SLC35F4: variants seen among roughly 807,000 people sequenced by gnomAD.
SLC35F4 encodes chromosome 14 open reading frame 36.
In SLC35F4, 24 loss-of-function variants were observed where a neutral mutation model predicts 44.2. The ratio of observed to expected loss-of-function variants is 0.54; its 90% confidence interval spans 0.39 to 0.76. SLC35F4 has a LOEUF of 0.76. SLC35F4 is among the 30% of genes least tolerant of loss of function. SLC35F4 has a pLI of 0.00. For missense variants in SLC35F4, 562 were observed against 586.1 expected, an observed-to-expected ratio of 0.96 and a Z score of 0.42; for synonymous variants, 238 against 223.6, an observed-to-expected ratio of 1.06 and a Z score of -0.57.
At chr14:57,722,905 G>A (rs2076119372) in intron 1 of SLC35F4, among the ~76,000 whole-genome samples, 1 of 152,122 alleles carries the variant, frequency 6.6e-6, no homozygotes, top group Admixed American at 6.5e-5. Context: ...TTGAATGAAG[G>A]GGAAGGCTGG....
chr14:57,943,604 C>T (rs996654986), intron 1 of SLC35F4, among the ~76,000 whole-genome samples: 5 of 152,156 alleles, frequency 3.3e-5, no homozygotes, highest in South Asian at 2.1e-4. Context: ...CATGATGTAA[C>T]GGGACTCTTC....
chr14:57,770,241 C>T (rs184771964), intron 1 of SLC35F4, among the ~76,000 whole-genome samples: 79 of 152,306 alleles, frequency 5.2e-4, no homozygotes, highest in Admixed American at 1.8e-3. Context: ...GGTCACGGGG[C>T]TCTTCCTGTC....
chr14:57,724,042 A>G (rs551934770), intron 1 of SLC35F4, among the ~76,000 whole-genome samples: 1 of 152,354 alleles, frequency 6.6e-6, no homozygotes, highest in Admixed American at 6.5e-5. Flanking sequence ...ACCAAAAAAG[A>G]GGCACAATGC....
chr14:57,733,673 AT>A (rs2076400701), intron 1 of SLC35F4, among the ~76,000 whole-genome samples: 1 of 152,090 alleles, frequency 6.6e-6, no homozygotes. Flanking sequence ...CAAAAGCTGA[AT>A]TTCAAACATT....
intron 1 of SLC35F4, among the ~76,000 whole-genome samples, chr14:57,769,044 GT>G (rs2077299612): frequency 1.3e-5 from 2 of 152,154 alleles, no homozygotes; most frequent in African/African-American, 4.8e-5. Flanking sequence ...AAAGAGTACT[GT>G]TTGTAAGGAA....
At chr14:57,884,346 T>C (rs1595267334) in intron 1 of SLC35F4, among the ~76,000 whole-genome samples, 1 of 152,204 alleles carries the variant, frequency 6.6e-6, no homozygotes, top group Admixed American at 6.6e-5. Flanking sequence ...TATTTAGTTA[T>C]ACAATAAAAA....
Position 57,865,987 on chromosome 14 carries a change from A to ACAGCGG in SLC35F4, c.-168_-163dup, listed in dbSNP as rs1555398703. Reference sequence around the variant, plus strand: ...CCCGGCGCAGCACCGGCTCCGCATCACAGCGGCGGCGGCGGCGGCGGCGGC... The same window carrying ACAGCGG: ...CCCGGCGCAGCACCGGCTCCGCATCACAGCGGCAGCGGCGGCGGCGGCGGCGGCGGC... On this transcript the variant is annotated 5_prime_UTR_variant, in exon 1 of 8. Transcript: ENST00000556826. 2.3e-4 allele frequency: 89 copies of ACAGCGG among 391,802 alleles called. No individual in the cohort carries two copies. Among genetic ancestry groups the ACAGCGG allele is most frequent in the Admixed American group, 3.0e-4 (6 of 20,338 alleles). 24.3% of individuals were successfully genotyped at this position (391,802 alleles called of 1,614,324 possible).
rs371686615 is a variant in SLC35F4 at position 57,631,477 on chromosome 14, T to C, written c.104-37353A>G. Among the ~76,000 whole-genome samples the C allele has an allele frequency of 3.5e-4, 53 of 152,188 alleles. No homozygotes were observed. The South Asian group carries it at 9.5e-3, about 27-fold the overall frequency. ...TTACAGCTGTTGGAAGCAAACTTTGTGTGTGCGTGCATAGTGTAAAAGAAC... is the reference window on the plus strand; with the variant it reads ...TTACAGCTGTTGGAAGCAAACTTTGCGTGTGCGTGCATAGTGTAAAAGAAC... On this transcript the variant is annotated intron_variant, in intron 1 of 7. Transcript: ENST00000556826.
chr14:57,886,555 A>T (rs1888650684), intron 1 of SLC35F4, among the ~76,000 whole-genome samples: 1 of 152,198 alleles, frequency 6.6e-6, no homozygotes, highest in Non-Finnish European at 1.5e-5. Context: ...CATAGAAAGA[A>T]AGAGGAATTA....
chr14:57,727,136 A>G (rs56690003), intron 1 of SLC35F4, among the ~76,000 whole-genome samples: 1 of 9,184 alleles, frequency 1.1e-4, no homozygotes, highest in African/African-American at 1.7e-4. Context: ...GTATATATGT[A>G]CATATATATA....
chr14:57,836,460 T>C (rs1237552144), intron 1 of SLC35F4, among the ~76,000 whole-genome samples: 1 of 151,960 alleles, frequency 6.6e-6, no homozygotes, highest in African/African-American at 2.4e-5. Flanking sequence ...ATCCAGCTAA[T>C]TTTTGTATTT....
intron 1 of SLC35F4, chr14:57,595,767 C>T (rs1276135570): frequency 2.6e-5 from 4 of 152,146 alleles, no homozygotes; most frequent in African/African-American, 9.7e-5. Flanking sequence ...TGCGTTTGAG[C>T]TCTTCCTTAC....
chr14:57,926,717 A>G (rs375838051), intron 1 of SLC35F4, among the ~76,000 whole-genome samples: 1 of 54,280 alleles, frequency 1.8e-5, no homozygotes, highest in Non-Finnish European at 3.2e-5. Context: ...ATAACAATGA[A>G]GTAGGGTTGG....
At chr14:57,902,527 C>G (rs1418453364) in intron 1 of SLC35F4, among the ~76,000 whole-genome samples, 1 of 149,500 alleles carries the variant, frequency 6.7e-6, no homozygotes, top group East Asian at 2.0e-4. Context: ...CACGCCATTG[C>G]ACTCCAGCCT....
At chr14:57,900,401 G>A (rs1344787143) in intron 1 of SLC35F4, among the ~76,000 whole-genome samples, 1 of 151,980 alleles carries the variant, frequency 6.6e-6, no homozygotes, top group Non-Finnish European at 1.5e-5. Flanking sequence ...TTTAGGTCGG[G>A]GTCATGTGCT....
chr14:57,611,423 T>C (rs930614839), intron 1 of SLC35F4, among the ~76,000 whole-genome samples: 1 of 151,048 alleles, frequency 6.6e-6, no homozygotes, highest in Admixed American at 6.6e-5. Flanking sequence ...AAGCTGTGAG[T>C]ATAGAGAAGA....
intron 1 of SLC35F4, among the ~76,000 whole-genome samples, chr14:57,713,797 T>C (rs1252369520): frequency 6.6e-6 from 1 of 152,082 alleles, no homozygotes; most frequent in Non-Finnish European, 1.5e-5. Context: ...AAAATCAAAT[T>C]AATGGACATG....
At chr14:57,676,534 G>T (rs2074699655) in intron 1 of SLC35F4, among the ~76,000 whole-genome samples, 1 of 152,068 alleles carries the variant, frequency 6.6e-6, no homozygotes, top group South Asian at 2.1e-4. Context: ...ATTTACCTAT[G>T]TAACAAACTT....
chr14:57,909,433 T>C (rs76876235), intron 1 of SLC35F4, among the ~76,000 whole-genome samples: 11,114 of 151,862 alleles, frequency 0.073, 530 homozygotes, highest in Non-Finnish European at 0.11. Context: ...AAATCCTCAA[T>C]GCTCCACCAA....
Sources: gnomAD v4.1 joint callset for allele counts (sites outside exome capture counted in the v4.1 genomes callset) on GRCh38, gnomAD v4.1.1 for gene constraint, MANE v1.5 for transcripts, NCBI Gene and HGNC (gene_info 2026-07-23, HGNC 2026-07-21) for gene names.